The following IL17B variants were observed in gnomAD, a reference collection of about 807,000 sequenced individuals.
The protein encoded by IL17B is interleukin 17B.
Under a neutral mutation model 14.7 loss-of-function variants are expected in IL17B, and 14 were observed. The ratio of observed to expected loss-of-function variants is 0.95; its 90% confidence interval spans 0.63 to 1.49. The LOEUF is 1.49. Among genes scored for constraint, IL17B ranks in the 40% most tolerant of loss-of-function variants. IL17B has a pLI of 0.00. For synonymous variants in IL17B, 105 were observed against 94.8 expected (o/e 1.11, Z -0.62); for missense variants, 233 against 252.8 (o/e 0.92, Z 0.53).
chr5:149,398,342 T>C (rs983416774), intron 1 of IL17B, among the ~76,000 whole-genome samples: 7 of 152,234 alleles, frequency 4.6e-5, no homozygotes, highest in Admixed American at 1.3e-4. Context: ...TGCAAGATAA[T>C]GATCCAAACT....
chr5:149,399,261 T>C (rs1024049675), intron 1 of IL17B, among the ~76,000 whole-genome samples: 1 of 152,140 alleles, frequency 6.6e-6, no homozygotes, highest in Admixed American at 6.5e-5. Context: ...AGCAACCCTG[T>C]TCACAGCTGG....
chr5:149,394,858 A>T (rs539018010), intron 1 of IL17B, among the ~76,000 whole-genome samples: 26 of 152,104 alleles, frequency 1.7e-4, no homozygotes, highest in Middle Eastern at 3.4e-3. Context: ...TCCCTATTAA[A>T]TGTTCCCATC....
chr5:149,384,949 C>T (rs184505401), intron 1 of IL17B, among the ~76,000 whole-genome samples: 223 of 148,354 alleles, frequency 1.5e-3, no homozygotes, highest in African/African-American at 5.2e-3. Context: ...CGCTCTGTAG[C>T]CCAGGCTGGA....
intron 1 of IL17B, among the ~76,000 whole-genome samples, chr5:149,386,799 G>A (rs1334805653): frequency 2.6e-5 from 4 of 152,088 alleles, no homozygotes; most frequent in Admixed American, 2.0e-4. Flanking sequence ...TCTGCCTCCC[G>A]GGTTCAAGCG....
chr5:149,395,343 T>G (rs1048421939), intron 1 of IL17B, among the ~76,000 whole-genome samples: 1 of 152,232 alleles, frequency 6.6e-6, no homozygotes, highest in Non-Finnish European at 1.5e-5. Context: ...GACACATGCA[T>G]GTGTCTTTAT....
At position 149,379,209 on chromosome 5, in the gene IL17B, T is replaced by C; in HGVS notation, c.17A>G (p.Asn6Ser). The change falls in exon 1 of 3, where the codon AAC (asparagine) becomes AGC (serine). Residue 6 changes from asparagine to serine, a missense_variant. Coordinates refer to ENST00000261796, the MANE Select transcript of IL17B (RefSeq NM_014443.3). Reference sequence around the variant, plus strand: ...CGGCAGGGAAGCGCCACGTACCAGGTTGTGAGGCCAGTCCATTCCGCCAAG... The same window carrying C: ...CGGCAGGGAAGCGCCACGTACCAGGCTGTGAGGCCAGTCCATTCCGCCAAG... MDWPH[N>S]LLFLLTISIF... 2 of 1,613,550 alleles carry C rather than the reference T, an allele frequency of 1.2e-6. No homozygotes were observed. The highest frequency in any genetic ancestry group is 1.7e-6 in the Non-Finnish European group (2 of 1,179,788).
At chr5:149,391,728 G>T (rs145268864) in intron 1 of IL17B, among the ~76,000 whole-genome samples, 2 of 152,164 alleles carry the variant, frequency 1.3e-5, no homozygotes, top group African/African-American at 4.8e-5. Flanking sequence ...AGTGGAGGAG[G>T]GTGATTGAAC....
chr5:149,387,490 C>G (rs1758849112), intron 1 of IL17B, among the ~76,000 whole-genome samples: 2 of 152,304 alleles, frequency 1.3e-5, no homozygotes, highest in South Asian at 4.1e-4. Flanking sequence ...ACTTTTAGCT[C>G]AGGCGCCGTG....
chr5:149,393,406 G>A (rs1418585512), intron 1 of IL17B, among the ~76,000 whole-genome samples: 1 of 152,188 alleles, frequency 6.6e-6, no homozygotes, highest in Admixed American at 6.5e-5. Flanking sequence ...AACAGAGGGT[G>A]GACGTTCCCT....
intron 1 of IL17B, among the ~76,000 whole-genome samples, chr5:149,386,261 G>A (rs1758826888): frequency 1.3e-5 from 2 of 152,292 alleles, no homozygotes; most frequent in South Asian, 2.1e-4. Flanking sequence ...TCACAGATGC[G>A]GCTCTCAGCA....
Position 149,374,941 on chromosome 5 carries a change from G to A in IL17B, c.312-341C>T, listed in dbSNP as rs1019446145. The A allele has an allele frequency of 9.4e-6, 2 of 213,330 alleles. No homozygotes were observed. Among genetic ancestry groups the A allele is most frequent in the African/African-American group, 4.5e-5 (2 of 44,212 alleles). 13.2% of individuals were successfully genotyped at this position (213,330 alleles called of 1,614,324 possible). A position where few individuals can be genotyped will look rare whatever the true frequency, so the allele number is the denominator to read the frequency against. On this transcript the variant is annotated intron_variant, in intron 2 of 2. Coordinates refer to ENST00000261796, the MANE Select transcript of IL17B (RefSeq NM_014443.3). This position sits in a 1 kb window ranked among gnomAD's most constrained non-coding sequence, Gnocchi z 5.0. ...GGGCCCTCATGTGTTTCCTTTATTT[G>A]AGACAGGGTCTCACTCTGTCACCCA...
At chr5:149,390,586 A>AGCGC (rs1443129940) in intron 1 of IL17B, among the ~76,000 whole-genome samples, 1 of 46,792 alleles carries the variant, frequency 2.1e-5, no homozygotes, top group African/African-American at 8.8e-5. Context: ...TCCCTGAGTT[A>AGCGC]GCACACACAC....
chr5:149,378,265 G>A (rs1052391314), intron 1 of IL17B, among the ~76,000 whole-genome samples: 1 of 152,158 alleles, frequency 6.6e-6, no homozygotes, highest in Non-Finnish European at 1.5e-5. Context: ...TGTCCTGTCC[G>A]CCTGCACTGC....
intron 1 of IL17B, among the ~76,000 whole-genome samples, chr5:149,395,903 C>T (rs906851419): frequency 2.0e-5 from 3 of 152,118 alleles, no homozygotes; most frequent in Admixed American, 6.5e-5. Flanking sequence ...GAACTCCTGG[C>T]CTCAAGTGAT....
rs1238172908 is a variant in IL17B, at chr5:149,395,271, T to C, written n.95+8837A>G. ...TCTCCTTTATCCAGTCTGCCATTGA[T>C]GGGCATTTAGGTTGATACCATGTCT... On this transcript the variant is annotated intron_variant and non_coding_transcript_variant, in intron 1 of 2. Coordinates refer to the IL17B transcript ENST00000505432. 2.0e-5 allele frequency among the ~76,000 whole-genome samples: 3 copies of C among 152,364 alleles called. No individual in the cohort carries two copies. In the East Asian group the frequency reaches 5.8e-4, roughly 29 times the overall value.
upstream of IL17B, among the ~76,000 whole-genome samples, chr5:149,380,661 G>C (rs562989174): frequency 3.3e-5 from 5 of 152,334 alleles, no homozygotes; most frequent in African/African-American, 1.2e-4. Context: ...CAGGAATGGC[G>C]GGAGGGAATG....
chr5:149,391,033 C>T (rs571701818), intron 1 of IL17B, among the ~76,000 whole-genome samples: 1 of 152,168 alleles, frequency 6.6e-6, no homozygotes, highest in Admixed American at 6.5e-5. Context: ...TACAATGGCG[C>T]TATCTCAGCT....
At chr5:149,390,723 G>A (rs1692163811) in intron 1 of IL17B, among the ~76,000 whole-genome samples, 1 of 151,866 alleles carries the variant, frequency 6.6e-6, no homozygotes, top group Non-Finnish European at 1.5e-5. Context: ...GGTGTCATTT[G>A]AGGCTTAGGA....
chr5:149,391,961 C>T (rs1036787712), intron 1 of IL17B, among the ~76,000 whole-genome samples: 1 of 152,228 alleles, frequency 6.6e-6, no homozygotes, highest in Non-Finnish European at 1.5e-5. Flanking sequence ...GCCCTGCCCT[C>T]TTCCCCAGCT....
Sources: allele counts gnomAD v4.1 joint callset (sites outside exome capture counted in the v4.1 genomes callset), GRCh38; gene constraint gnomAD v4.1.1; non-coding constraint Gnocchi (gnomAD v3.1); transcripts MANE v1.5; gene names NCBI Gene and HGNC (gene_info 2026-07-23, HGNC 2026-07-21).